The following CMKLR1 variants were observed in gnomAD, a reference collection of about 807,000 sequenced individuals.
CMKLR1 encodes the protein chemerin-like receptor 1.
CMKLR1 carries 6 observed loss-of-function variants against 8.2 expected under a neutral mutation model. The ratio of observed to expected loss-of-function variants is 0.73; its 90% CI spans 0.40 to 1.44. The LOEUF is 1.44. Ranked by LOEUF, CMKLR1 falls within the 40% of genes most tolerant of loss-of-function variation. CMKLR1 has a pLI of 0.02. For missense variants in CMKLR1, 429 were observed against 478.0 expected, an observed-to-expected ratio of 0.90 and a Z score of 0.96; for synonymous variants, 178 against 181.2, an observed-to-expected ratio of 0.98 and a Z score of 0.14.
At chr12:108,313,403 G>A (rs1681195876) in intron 2 of CMKLR1, among the ~76,000 whole-genome samples, 1 of 152,230 alleles carries the variant, frequency 6.6e-6, no homozygotes, top group Admixed American at 6.5e-5. Flanking sequence ...AAGGGAAGTG[G>A]CTCAGTGCAG....
intron 2 of CMKLR1, among the ~76,000 whole-genome samples, chr12:108,296,484 G>T (rs1891138949): frequency 6.6e-6 from 1 of 152,182 alleles, no homozygotes; most frequent in African/African-American, 2.4e-5. Flanking sequence ...GGACCAGTGA[G>T]TTCCTGGCCA....
chr12:108,296,117 ATCCCTCC>A (rs1593158271), intron 2 of CMKLR1, among the ~76,000 whole-genome samples: 2 of 152,176 alleles, frequency 1.3e-5, no homozygotes. Flanking sequence ...CCTAACACAC[ATCCCTCC>A]TGTCCTGAGC....
At chr12:108,311,290 G>GTATGTGTA (rs1208067105) in intron 2 of CMKLR1, among the ~76,000 whole-genome samples, 1 of 152,100 alleles carries the variant, frequency 6.6e-6, no homozygotes, top group African/African-American at 2.4e-5. Context: ...ATGAATGTGT[G>GTATGTGTA]TATGTGTGCG....
In CMKLR1 at chr12:108,289,769, G is replaced by C. The variant is rs1890909440; in HGVS notation, c.*2072C>G. On this transcript the variant is annotated 3_prime_UTR_variant, in exon 4 of 4. Transcript: ENST00000550402. ...AAAGCATTCAGAGGCTCCAGCTTGG[G>C]ATCAATTCAGAGCTGCCTTGTCATA... is the stretch of plus-strand genomic sequence containing the variant. 6.6e-6 allele frequency: 1 copy of C among 152,244 alleles called. No homozygotes were observed. The highest frequency in any genetic ancestry group is 2.4e-5 in the African/African-American group (1 of 41,464). 9.4% of individuals were successfully genotyped at this position (152,244 alleles called of 1,614,324 possible).
At chr12:108,295,953 C>T (rs924523226) in intron 2 of CMKLR1, among the ~76,000 whole-genome samples, 2 of 152,186 alleles carry the variant, frequency 1.3e-5, no homozygotes, top group African/African-American at 2.4e-5. Flanking sequence ...ATCCTCTGGG[C>T]ATGTCCCTCC....
Position 108,291,803 on chromosome 12 carries a change from G to C in CMKLR1, c.*38C>G. 2.5e-6 allele frequency: 4 copies of C among 1,572,582 alleles called. No homozygotes were observed. Among genetic ancestry groups the C allele is most frequent in the Non-Finnish European group, 3.4e-6 (4 of 1,160,844 alleles). ...AGAAGACATATCCTTGGGTGTCCCTGGGTTGAGAGAGTCCATTGAGGGGTT... is the reference window on the plus strand; with the variant it reads ...AGAAGACATATCCTTGGGTGTCCCTCGGTTGAGAGAGTCCATTGAGGGGTT... On this transcript the variant is annotated 3_prime_UTR_variant, in exon 4 of 4. Transcript: ENST00000550402.
Position 108,301,646 on chromosome 12 carries a change from T to G in CMKLR1, c.-73-7982A>C, listed in dbSNP as rs578052292. Among the ~76,000 whole-genome samples, 3 of 152,350 alleles carry G rather than the reference T, an allele frequency of 2.0e-5. No individual in the cohort carries two copies. The South Asian group carries it at 6.2e-4, about 32-fold the overall frequency. On this transcript the variant is annotated intron_variant, in intron 2 of 3. Transcript: ENST00000550402. ...ACTATGTGGCAGGAGCCAAGCCCAT[T>G]AGAAATGTCGTCACAGACTTTTTCC...
intron 2 of CMKLR1, among the ~76,000 whole-genome samples, chr12:108,310,240 G>A: frequency 6.6e-6 from 1 of 151,834 alleles, no homozygotes; most frequent in Non-Finnish European, 1.5e-5. Context: ...AAGGAAAGAA[G>A]AGGGTTTCAG....
chr12:108,316,397 G>A (rs567001533), intron 2 of CMKLR1, among the ~76,000 whole-genome samples: 74 of 152,320 alleles, frequency 4.9e-4, no homozygotes, highest in African/African-American at 1.7e-3. Context: ...CAGAAAGAGA[G>A]GGGGAAGAGG....
chr12:108,323,454 G>A (rs1891908587), intron 2 of CMKLR1, among the ~76,000 whole-genome samples: 1 of 152,100 alleles, frequency 6.6e-6, no homozygotes, highest in Non-Finnish European at 1.5e-5. Context: ...GACATTGGGG[G>A]AAACTAAGAC....
At chr12:108,315,041 G>A (rs190626731) in intron 2 of CMKLR1, among the ~76,000 whole-genome samples, 2 of 147,942 alleles carry the variant, frequency 1.4e-5, no homozygotes, top group Non-Finnish European at 1.5e-5. Context: ...AGGTTCAATC[G>A]ATTCTCCTGC....
At chr12:108,332,597 G>T (rs1276659068) in intron 1 of CMKLR1, among the ~76,000 whole-genome samples, 1 of 152,146 alleles carries the variant, frequency 6.6e-6, no homozygotes, top group Non-Finnish European at 1.5e-5. Flanking sequence ...TAGCCTCCCA[G>T]CCTACATCTT....
chr12:108,320,681 T>G (rs761487673), intron 2 of CMKLR1: 4 of 151,996 alleles, frequency 2.6e-5, no homozygotes, highest in Non-Finnish European at 5.9e-5. Flanking sequence ...TCTCCCCAGC[T>G]CCCACCCTCC....
At chr12:108,324,978 A>G (rs1235185641) in intron 2 of CMKLR1, among the ~76,000 whole-genome samples, 1 of 152,184 alleles carries the variant, frequency 6.6e-6, no homozygotes, top group African/African-American at 2.4e-5. Context: ...GGTTTTGCCC[A>G]AAGTTGCTGC....
intron 2 of CMKLR1, among the ~76,000 whole-genome samples, chr12:108,297,737 A>T (rs1891172564): frequency 1.3e-5 from 2 of 152,110 alleles, no homozygotes; most frequent in South Asian, 4.1e-4. Context: ...TCCCTGAGGG[A>T]TTATCAGCTC....
intron 2 of CMKLR1, among the ~76,000 whole-genome samples, chr12:108,306,054 T>C (rs757036233): frequency 2.0e-5 from 3 of 152,170 alleles, no homozygotes; most frequent in African/African-American, 4.8e-5. Flanking sequence ...TTCCTTCCTC[T>C]CCGGGGATCT....
chr12:108,309,273 T>C (rs1200313133), intron 2 of CMKLR1, among the ~76,000 whole-genome samples: 2 of 152,186 alleles, frequency 1.3e-5, no homozygotes, highest in East Asian at 1.9e-4. Flanking sequence ...AAGAGGGTCA[T>C]CTTCTCAGAG....
chr12:108,328,229 G>A (rs7296728), intron 2 of CMKLR1, among the ~76,000 whole-genome samples: 39,705 of 152,086 alleles, frequency 0.26, 6,103 homozygotes, highest in African/African-American at 0.4. Context: ...GCAGGAAGTC[G>A]AAAGGGAAAA....
intron 1 of CMKLR1, among the ~76,000 whole-genome samples, chr12:108,330,452 C>A (rs1295604610): frequency 1.3e-5 from 2 of 152,208 alleles, no homozygotes; most frequent in African/African-American, 4.8e-5. Context: ...ATGACAAAGA[C>A]ATCTGGGTTC....
Sources: gnomAD v4.1 joint callset for allele counts (sites outside exome capture counted in the v4.1 genomes callset) on GRCh38, gnomAD v4.1.1 for gene constraint, MANE v1.5 for transcripts, NCBI Gene and HGNC (gene_info 2026-07-23, HGNC 2026-07-21) for gene names.